Variants in CHN1 observed in about 807,000 individuals in gnomAD.
CHN1 encodes the protein N-chimaerin.
In CHN1, 37 loss-of-function variants were observed where a neutral mutation model predicts 59.5. That is an observed-to-expected ratio of 0.62 (90% CI 0.48 to 0.82). The LOEUF (loss-of-function observed/expected upper bound fraction) is 0.82. CHN1 is among the 40% of genes least tolerant of loss of function. The pLI is 0.00. For missense variants in CHN1, 469 were observed against 571.0 expected (o/e 0.82, Z 1.82); for synonymous variants, 206 against 200.4 (o/e 1.03, Z -0.24).
At chr2:174,801,072 C>T (rs1053056050) in intron 12 of CHN1, among the ~76,000 whole-genome samples, 12 of 152,146 alleles carry the variant, frequency 7.9e-5, no homozygotes, top group African/African-American at 1.7e-4. Flanking sequence ...AAAACTTGGT[C>T]GTGTAATTTG....
chr2:174,874,285 G>A (rs960005046), intron 6 of CHN1, among the ~76,000 whole-genome samples: 3 of 152,132 alleles, frequency 2.0e-5, no homozygotes, highest in Admixed American at 6.5e-5. Context: ...ACTAATAAAA[G>A]TTGGGCTCTT....
intron 8 of CHN1, among the ~76,000 whole-genome samples, chr2:174,824,077 C>G (rs1010877075): frequency 3.3e-5 from 5 of 152,154 alleles, no homozygotes; most frequent in Admixed American, 3.3e-4. Context: ...GGTCCCTGTA[C>G]ATTGCTTTAA....
At chr2:174,841,333 C>T (rs1432905529) in intron 7 of CHN1, among the ~76,000 whole-genome samples, 1 of 152,110 alleles carries the variant, frequency 6.6e-6, no homozygotes, top group East Asian at 1.9e-4. Flanking sequence ...GTTCTGTGGT[C>T]CTCCTCACCA....
At position 174,950,251 on chromosome 2, in the gene CHN1, CT is replaced by C. The variant is rs1028113932; in HGVS notation, c.58+1912del. On this transcript the variant is annotated intron_variant, in intron 2 of 12. Transcript: ENST00000409900. ...CGACAAAGCAATAGCCTATCTCTCTCTTTTTTTTTTTAATGTCTTTTTTTTT... is the reference window on the plus strand; with the variant it reads ...CGACAAAGCAATAGCCTATCTCTCTCTTTTTTTTTTAATGTCTTTTTTTTT... Among the ~76,000 whole-genome samples the C allele has an allele frequency of 6.9e-3, 1,009 of 145,712 alleles. 3 individuals are homozygous for C. Among genetic ancestry groups the C allele is most frequent in the Non-Finnish European group, 0.01 (668 of 65,764 alleles).
intron 1 of CHN1, among the ~76,000 whole-genome samples, chr2:174,967,821 T>C (rs766988942): frequency 6.6e-6 from 1 of 152,254 alleles, no homozygotes; most frequent in Non-Finnish European, 1.5e-5. Flanking sequence ...TATTATTCAT[T>C]CTTTGGCAGA....
intron 5 of CHN1, among the ~76,000 whole-genome samples, chr2:174,887,601 ACTGT>A (rs1489080898): frequency 2.0e-5 from 3 of 152,184 alleles, no homozygotes; most frequent in African/African-American, 7.2e-5. Flanking sequence ...TGCATCCAGG[ACTGT>A]CTGACTGCAA....
At chr2:174,801,630 T>G in intron 12 of CHN1, 77 bp downstream of exon 12, 1 of 1,029,798 alleles carries the variant, frequency 9.7e-7, no homozygotes, top group Non-Finnish European at 1.5e-6. Flanking sequence ...TATTTGTCCT[T>G]TCTTTCACCC....
chr2:174,833,422 T>C (rs1685948165), intron 7 of CHN1, among the ~76,000 whole-genome samples: 1 of 152,208 alleles, frequency 6.6e-6, no homozygotes, highest in Admixed American at 6.5e-5. Context: ...GAATTCTAGG[T>C]TAATGTTTCT....
chr2:174,891,651 T>C (rs994851423), intron 5 of CHN1, among the ~76,000 whole-genome samples: 1 of 151,508 alleles, frequency 6.6e-6, no homozygotes, highest in African/African-American at 2.4e-5. Flanking sequence ...AGGCAGTTTA[T>C]AGTGGTAAAT....
chr2:174,975,475 T>A (rs570304552), intron 1 of CHN1, among the ~76,000 whole-genome samples: 2 of 152,198 alleles, frequency 1.3e-5, no homozygotes, highest in African/African-American at 4.8e-5. Flanking sequence ...CACCTTTAAA[T>A]CATTCAGCAC....
At chr2:174,921,025 A>G in intron 3 of CHN1, 1 of 412,612 alleles carries the variant, frequency 2.4e-6, no homozygotes. Context: ...CGTTCCCATG[A>G]GTCTAATATG....
intron 6 of CHN1, among the ~76,000 whole-genome samples, chr2:174,861,636 T>C (rs1255794121): frequency 1.3e-5 from 2 of 152,212 alleles, no homozygotes; most frequent in Non-Finnish European, 2.9e-5. Context: ...AAATATTGTT[T>C]CTTCATTTGG....
At chr2:174,861,886 A>G (rs1215061989) in intron 6 of CHN1, among the ~76,000 whole-genome samples, 1 of 152,224 alleles carries the variant, frequency 6.6e-6, no homozygotes, top group Admixed American at 6.5e-5. Flanking sequence ...CAAAACAACT[A>G]TTACTGGAGG....
chr2:174,867,136 G>A (rs993804520), intron 6 of CHN1, among the ~76,000 whole-genome samples: 49 of 151,296 alleles, frequency 3.2e-4, no homozygotes, highest in African/African-American at 1.1e-3. Flanking sequence ...CACTTTGGGA[G>A]GCCAAGGCAG....
intron 3 of CHN1, among the ~76,000 whole-genome samples, chr2:174,923,326 G>C (rs1036597612): frequency 3.3e-5 from 5 of 152,092 alleles, no homozygotes; most frequent in Admixed American, 3.3e-4. Context: ...ATTTTTAGTA[G>C]AGACGGGGTT....
At chr2:174,897,508 GGATA>G (rs1688253452) in intron 5 of CHN1, among the ~76,000 whole-genome samples, 2 of 120,930 alleles carry the variant, frequency 1.7e-5, no homozygotes, top group Non-Finnish European at 3.4e-5. Context: ...TCTATTGGCA[GGATA>G]GTTAAAAAAA....
At chr2:174,899,162 G>A (rs1163620473) in intron 5 of CHN1, among the ~76,000 whole-genome samples, 3 of 148,560 alleles carry the variant, frequency 2.0e-5, no homozygotes, top group African/African-American at 5.1e-5. Context: ...AAAAAGTGCT[G>A]TAAGAAGCCT....
intron 5 of CHN1, among the ~76,000 whole-genome samples, chr2:174,884,054 G>A (rs1451798207): frequency 3.4e-5 from 5 of 146,530 alleles, no homozygotes; most frequent in Non-Finnish European, 3.0e-5. Flanking sequence ...TGCAAGCTCC[G>A]CCTCCCAGGT....
rs1039238228 is a variant in CHN1 at position 174,958,479 on chromosome 2, T to A, written c.20-6277A>T. 2.6e-5 allele frequency among the ~76,000 whole-genome samples: 4 copies of A among 152,196 alleles called. No homozygotes were observed. The South Asian group carries it at 8.3e-4, about 32-fold the overall frequency. On this transcript the variant is annotated intron_variant, in intron 1 of 12. Transcript: ENST00000409900. ...GTTGGCCCTAACGCCTCACAGACCCTGTGCAAAGCTGCACCTATGAGCCGT... is the reference window on the plus strand; with the variant it reads ...GTTGGCCCTAACGCCTCACAGACCCAGTGCAAAGCTGCACCTATGAGCCGT...
Sources: gnomAD v4.1 joint callset for allele counts (sites outside exome capture counted in the v4.1 genomes callset) on GRCh38, gnomAD v4.1.1 for gene constraint, MANE v1.5 for transcripts, NCBI Gene and HGNC (gene_info 2026-07-23, HGNC 2026-07-21) for gene names.